JARID2: variants seen among roughly 807,000 people sequenced by gnomAD.
JARID2 encodes the protein protein Jumonji.
JARID2 carries 21 observed loss-of-function variants against 125.6 expected under a neutral mutation model. That is an observed-to-expected ratio of 0.17 (90% CI 0.12 to 0.24). The LOEUF is 0.24. Ranked by LOEUF, JARID2 falls within the 10% of genes least tolerant of loss-of-function variation. The pLI is 1.00. For missense variants in JARID2, 1,303 were observed against 1,639.6 expected, an observed-to-expected ratio of 0.79 and a Z score of 3.55; for synonymous variants, 736 against 661.6, an observed-to-expected ratio of 1.11 and a Z score of -1.73.
At chr6:15,301,043 A>G (rs183554566) in intron 1 of JARID2, among the ~76,000 whole-genome samples, 5 of 152,338 alleles carry the variant, frequency 3.3e-5, no homozygotes, top group Admixed American at 2.6e-4. Context: ...TAGTCTCTCT[A>G]TAAACCAGAT....
intron 1 of JARID2, among the ~76,000 whole-genome samples, chr6:15,255,258 C>A (rs1343589976): frequency 1.3e-5 from 2 of 151,048 alleles, no homozygotes; most frequent in Non-Finnish European, 2.9e-5. Context: ...GCACACACGA[C>A]CATGCCCAGC....
chr6:15,374,629 G>C (rs193163006), intron 2 of JARID2, among the ~76,000 whole-genome samples: 1 of 152,168 alleles, frequency 6.6e-6, no homozygotes, highest in East Asian at 1.9e-4. Flanking sequence ...TCTGTCTACT[G>C]CTTTTCCTGC....
chr6:15,454,331 G>A (rs1768055628), intron 4 of JARID2, among the ~76,000 whole-genome samples: 1 of 152,154 alleles, frequency 6.6e-6, no homozygotes. Flanking sequence ...AGTTCTTGGT[G>A]ATTCTTAACA....
At chr6:15,430,808 C>A (rs1766936780) in intron 3 of JARID2, among the ~76,000 whole-genome samples, 1 of 152,164 alleles carries the variant, frequency 6.6e-6, no homozygotes, top group South Asian at 2.1e-4. Context: ...TGAGTAACTG[C>A]ACATGATCCA....
intron 4 of JARID2, among the ~76,000 whole-genome samples, chr6:15,466,932 A>AGG (rs1768768167): frequency 6.6e-6 from 1 of 152,230 alleles, no homozygotes; most frequent in Admixed American, 6.5e-5. Flanking sequence ...GAGACAATCA[A>AGG]GGGGAGGGGA....
At chr6:15,460,743 C>G (rs1263479190) in intron 4 of JARID2, among the ~76,000 whole-genome samples, 1 of 152,192 alleles carries the variant, frequency 6.6e-6, no homozygotes, top group Non-Finnish European at 1.5e-5. Flanking sequence ...CACCCTGTGT[C>G]ACCCAGGCTG....
chr6:15,319,107 T>TTATTCAC (rs1288302337), intron 1 of JARID2, among the ~76,000 whole-genome samples: 1 of 152,242 alleles, frequency 6.6e-6, no homozygotes, highest in Non-Finnish European at 1.5e-5. Flanking sequence ...CTTTTATGGC[T>TTATTCAC]TATTCACTTT....
intron 8 of JARID2, among the ~76,000 whole-genome samples, chr6:15,502,113 G>A (rs749514323): frequency 6.6e-6 from 1 of 152,248 alleles, no homozygotes; most frequent in Non-Finnish European, 1.5e-5. Context: ...GGAGAAACCA[G>A]CAAACTGAAA....
At chr6:15,257,027 T>C (rs1326909487) in intron 1 of JARID2, among the ~76,000 whole-genome samples, 2 of 152,150 alleles carry the variant, frequency 1.3e-5, no homozygotes, top group Non-Finnish European at 2.9e-5. Flanking sequence ...TTCCTGAGGT[T>C]TCTAGTACTG....
intron 2 of JARID2, among the ~76,000 whole-genome samples, chr6:15,386,704 G>A (rs776818611): frequency 6.6e-6 from 1 of 152,226 alleles, no homozygotes; most frequent in African/African-American, 2.4e-5. Flanking sequence ...TATGCTTATC[G>A]ATGGGTTTAT....
chr6:15,418,937 ATTTAC>A (rs914279773), intron 3 of JARID2, among the ~76,000 whole-genome samples: 1 of 152,246 alleles, frequency 6.6e-6, no homozygotes. Context: ...AAATACTTTT[ATTTAC>A]TTCGAGTTTG....
rs566776966 is a variant in JARID2, at chr6:15,510,221, C to G, written c.2847-1075C>G. Among the ~76,000 whole-genome samples the G allele has an allele frequency of 2.6e-5, 4 of 152,176 alleles. No homozygotes were observed. The East Asian group carries it at 7.7e-4, about 29-fold the overall frequency. ...TTCACTGGCTTAGCATCCTGAAGAC[C>G]TGTCAGGCCCCTCTCCACACTGATG... On this transcript the variant is annotated intron_variant, in intron 12 of 17. Transcript: ENST00000341776.
In JARID2 at chr6:15,330,696, A is replaced by G. The variant is rs575082088; in HGVS notation, c.46-43421A>G. 1.3e-3 allele frequency among the ~76,000 whole-genome samples: 200 copies of G among 152,348 alleles called. 1 individual carries two copies. The highest frequency in any genetic ancestry group is 2.4e-3 in the Non-Finnish European group (165 of 68,028). On this transcript the variant is annotated intron_variant, in intron 1 of 17. Transcript: ENST00000341776. ...ACTTCACAGAATGAGTAATGGAAAT[A>G]GTGTAGCCAGAAACTTCTCTGCGTG...
At chr6:15,509,951 A>C (rs1771194745) in intron 12 of JARID2, among the ~76,000 whole-genome samples, 1 of 152,220 alleles carries the variant, frequency 6.6e-6, no homozygotes, top group African/African-American at 2.4e-5. Context: ...CCCTGTATTT[A>C]AATTACCAAT....
intron 9 of JARID2, among the ~76,000 whole-genome samples, chr6:15,506,523 G>A (rs906773307): frequency 6.6e-6 from 1 of 152,150 alleles, no homozygotes; most frequent in African/African-American, 2.4e-5. Context: ...GCTTTACCAA[G>A]GCTTGTGAGA....
intron 14 of JARID2, 57 bp downstream of exon 14, chr6:15,512,447 C>T (rs1246165005): frequency 7.3e-6 from 11 of 1,511,180 alleles, no homozygotes; most frequent in South Asian, 2.3e-5. Flanking sequence ...GAGTGCCGTG[C>T]GTGAGCGCAC....
chr6:15,374,015 C>G, intron 1 of JARID2, 102 bp from the exon 2 acceptor site: 1 of 1,338,864 alleles, frequency 7.5e-7, no homozygotes, highest in East Asian at 2.3e-5. Context: ...CGTGGTCACA[C>G]AGTACGTGTT....
chr6:15,300,152 G>A (rs967011430), intron 1 of JARID2, among the ~76,000 whole-genome samples: 2 of 152,176 alleles, frequency 1.3e-5, no homozygotes, highest in Non-Finnish European at 2.9e-5. Flanking sequence ...ATTTGGGGTT[G>A]GGATAGGCAG....
intron 1 of JARID2, among the ~76,000 whole-genome samples, chr6:15,345,033 G>GT (rs1763200014): frequency 6.6e-6 from 1 of 151,960 alleles, no homozygotes; most frequent in Admixed American, 6.6e-5. Context: ...AGTGTAATTT[G>GT]TTTTTTTAAT....
Sources: allele counts gnomAD v4.1 joint callset (sites outside exome capture counted in the v4.1 genomes callset), GRCh38; gene constraint gnomAD v4.1.1; transcripts MANE v1.5; gene names NCBI Gene and HGNC (gene_info 2026-07-23, HGNC 2026-07-21).